RXRA: variants seen among roughly 807,000 people sequenced by gnomAD.
RXRA encodes the protein retinoid X receptor alpha, also known as retinoic acid receptor RXR-alpha.
RXRA carries 5 observed loss-of-function variants against 44.5 expected under a neutral mutation model. The ratio of observed to expected loss-of-function variants is 0.11; its 90% CI spans 0.06 to 0.24. RXRA has a LOEUF of 0.24. Among genes scored for constraint, RXRA ranks in the 10% least tolerant of loss-of-function variants. The pLI is 1.00. For missense variants in RXRA, 412 were observed against 646.5 expected, an observed-to-expected ratio of 0.64 and a Z score of 3.93; for synonymous variants, 291 against 271.4, an observed-to-expected ratio of 1.07 and a Z score of -0.71.
intron 4 of RXRA, among the ~76,000 whole-genome samples, chr9:134,414,424 G>A (rs36055048): frequency 7.2e-5 from 11 of 152,258 alleles, no homozygotes; most frequent in Non-Finnish European, 2.9e-5. Context: ...CAGGCCCCCC[G>A]TGTGCTGGCG....
chr9:134,349,638 A>G lies in RXRA; in HGVS notation c.28+22979A>G, dbSNP rs59211076. 0.017 allele frequency among the ~76,000 whole-genome samples: 2,545 copies of G among 152,320 alleles called. 33 individuals carry two copies. Among genetic ancestry groups the G allele is most frequent in the South Asian group, 0.067 (322 of 4,830 alleles). ...AGTGGGTGACATCAGGAGACCCCGC[A>G]TCAGGCAAGGTTACCTGTGTGCCTG... On this transcript the variant is annotated intron_variant, in intron 1 of 9. Coordinates refer to ENST00000481739, the MANE Select transcript of RXRA (RefSeq NM_002957.6). The surrounding 1 kb of genome is among the most constrained non-coding windows in gnomAD (Gnocchi z 4.3).
intron 6 of RXRA, chr9:134,425,140 G>T (rs554146950): frequency 2.0e-6 from 2 of 985,278 alleles, no homozygotes; most frequent in African/African-American, 3.5e-5. Context: ...GACACTGAGT[G>T]GGGGTGCAGT....
At chr9:134,377,754 G>C (rs1830579956) in intron 1 of RXRA, among the ~76,000 whole-genome samples, 1 of 152,216 alleles carries the variant, frequency 6.6e-6, no homozygotes, top group Non-Finnish European at 1.5e-5. Context: ...TCCACCGTCT[G>C]TGTGTGCGTT....
At chr9:134,369,911 G>A (rs138072103) in intron 1 of RXRA, among the ~76,000 whole-genome samples, 1,981 of 152,300 alleles carry the variant, frequency 0.013, 43 homozygotes, top group African/African-American at 0.045. Context: ...AGCCCAGCAT[G>A]TGTACTGTGT....
chr9:134,353,557 T>C (rs1209192397), intron 1 of RXRA, among the ~76,000 whole-genome samples: 1 of 152,218 alleles, frequency 6.6e-6, no homozygotes, highest in Admixed American at 6.5e-5. Flanking sequence ...CCCCAGCAGC[T>C]TCCACGGCCC....
intron 1 of RXRA, among the ~76,000 whole-genome samples, chr9:134,352,612 T>G (rs1830235166): frequency 1.3e-5 from 2 of 152,122 alleles, no homozygotes; most frequent in African/African-American, 4.8e-5. Context: ...GGACTGAAGA[T>G]GCACCCTGGC....
chr9:134,367,671 G>T (rs1195060323), intron 1 of RXRA, among the ~76,000 whole-genome samples: 3 of 152,230 alleles, frequency 2.0e-5, no homozygotes, highest in Admixed American at 1.3e-4. Flanking sequence ...CAACTTGCCT[G>T]CCTGTGCAGG....
chr9:134,411,204 C>G (rs71505301), intron 4 of RXRA, among the ~76,000 whole-genome samples: 4 of 152,204 alleles, frequency 2.6e-5, no homozygotes, highest in Non-Finnish European at 5.9e-5. Context: ...TGACTCCTTC[C>G]TAAGGCCCTG....
At chr9:134,396,517 G>T (rs1474322345) in intron 1 of RXRA, among the ~76,000 whole-genome samples, 1 of 152,070 alleles carries the variant, frequency 6.6e-6, no homozygotes, top group Non-Finnish European at 1.5e-5. Context: ...TCCGGGCGGG[G>T]GGGTCCCCAG....
At chr9:134,432,067 G>T in intron 8 of RXRA, 71 bp downstream of exon 8, 1 of 1,220,274 alleles carries the variant, frequency 8.2e-7, no homozygotes, top group South Asian at 1.3e-5. Context: ...GCCTCCTCCT[G>T]GCTGTACTTC....
chr9:134,408,267 A>C lies in RXRA; in HGVS notation c.398A>C (p.His133Pro). 1 of 1,611,038 alleles carries C rather than the reference A, an allele frequency of 6.2e-7. No individual in the cohort carries two copies. Among genetic ancestry groups the C allele is most frequent in the Non-Finnish European group, 8.5e-7 (1 of 1,179,074 alleles). Residue 133 changes from histidine (H) to proline (P), a missense_variant, in exon 3 of 10, where the codon CAC becomes CCC. Physicochemically the swap from His to Pro is moderately conservative, Grantham distance 77 (BLOSUM62 -2). Around this residue, in one of 4 missense-constraint regions of RXRA, gnomAD observed 156 missense variants for 177.2 expected, o/e 0.88. Coordinates refer to ENST00000481739, the MANE Select transcript of RXRA (RefSeq NM_002957.6). Reference sequence around the variant, plus strand: ...GGAAACATGGCTTCCTTCACCAAGCACATCTGCGCCATCTGCGGGGACCGC... The same window carrying C: ...GGAAACATGGCTTCCTTCACCAAGCCCATCTGCGCCATCTGCGGGGACCGC... ...PSGNMASFTK[H>P]ICAICGDRSS...
At chr9:134,432,592 C>T (rs916590246) in intron 8 of RXRA, among the ~76,000 whole-genome samples, 2 of 152,262 alleles carry the variant, frequency 1.3e-5, no homozygotes, top group Non-Finnish European at 2.9e-5. Context: ...TACTCCTTCG[C>T]CCAACAAGTG....
intron 1 of RXRA, chr9:134,379,435 C>G: frequency 1.0e-6 from 1 of 987,422 alleles, no homozygotes; most frequent in Non-Finnish European, 1.2e-6. Context: ...CCTGGCCATC[C>G]AGGCATCTGT....
intron 1 of RXRA, among the ~76,000 whole-genome samples, chr9:134,388,938 GAC>G (rs956453667): frequency 3.3e-5 from 5 of 152,214 alleles, no homozygotes; most frequent in African/African-American, 4.8e-5. Context: ...AGCCCTGGAA[GAC>G]ACATTTCTGG....
chr9:134,357,875 G>A (rs941766948), intron 1 of RXRA, among the ~76,000 whole-genome samples: 4 of 152,234 alleles, frequency 2.6e-5, no homozygotes, highest in Non-Finnish European at 5.9e-5. Context: ...ATCCTAGGGT[G>A]AGGCCATGGG....
intron 1 of RXRA, among the ~76,000 whole-genome samples, chr9:134,369,805 G>A (rs1830468477): frequency 6.6e-6 from 1 of 152,120 alleles, no homozygotes; most frequent in Admixed American, 6.5e-5. Context: ...GGGAGGAGAG[G>A]CTGAGTCCAG....
At chr9:134,364,721 G>A (rs893187444) in intron 1 of RXRA, among the ~76,000 whole-genome samples, 7 of 152,182 alleles carry the variant, frequency 4.6e-5, no homozygotes, top group Admixed American at 3.3e-4. Flanking sequence ...AGGCTGGGGC[G>A]GTAACCCTGG....
At chr9:134,393,989 A>G (rs1830836846) in intron 1 of RXRA, among the ~76,000 whole-genome samples, 1 of 151,738 alleles carries the variant, frequency 6.6e-6, no homozygotes. Context: ...AAGAGGACCC[A>G]AAACACCATC....
At position 134,365,416 on chromosome 9, in the gene RXRA, G is replaced by A. The variant is rs1286225777; in HGVS notation, c.29-36216G>A. Among the ~76,000 whole-genome samples the A allele has an allele frequency of 5.3e-5, 8 of 152,192 alleles. No homozygotes were observed. Among genetic ancestry groups the A allele is most frequent in the Admixed American group, 3.3e-4 (5 of 15,286 alleles). ...GCCCAGGTGGGATTTGGCGGGTAAC[G>A]CTCGTGGTGTGTCCTGGTGTGAGAC... On this transcript the variant is annotated intron_variant, in intron 1 of 9. Transcript: ENST00000481739. This position sits in a 1 kb window ranked among gnomAD's most constrained non-coding sequence, Gnocchi z 4.0.
Sources: gnomAD v4.1 joint callset for allele counts (sites outside exome capture counted in the v4.1 genomes callset) on GRCh38, gnomAD v4.1.1 for gene constraint, gnomAD v4.1.1 regional missense constraint, Gnocchi (gnomAD v3.1) non-coding constraint, MANE v1.5 for transcripts, NCBI Gene and HGNC (gene_info 2026-07-23, HGNC 2026-07-21) for gene names.